Variants in TARBP1 observed in about 807,000 individuals in gnomAD.
The protein encoded by TARBP1 is tRNA guanosine 2 -O-methyltransferase TARBP1.
A neutral mutation model predicts 178.6 loss-of-function variants in TARBP1; 144 were observed. That is an observed-to-expected ratio of 0.81 (90% CI 0.70 to 0.93). TARBP1 has a LOEUF of 0.93. Ranked by LOEUF, TARBP1 falls within the 40% of genes least tolerant of loss-of-function variation. The pLI, the probability that TARBP1 is intolerant of heterozygous loss-of-function variation, is 0.00. For synonymous variants in TARBP1, 787 were observed against 781.0 expected (o/e 1.01, Z -0.13); for missense variants, 2,067 against 2,011.7 (o/e 1.03, Z -0.53).
At position 234,391,737 on chromosome 1, in the gene TARBP1, C is replaced by A. The variant is rs749524126; in HGVS notation, c.4706G>T (p.Arg1569Leu). ...GATCAGATTTGCTGGAATTCCCTCA[C>A]GTTCATTTCTGAGGAAGAAAATGGA... ...EKSLLLLGNEREGIPANLIQQ... is the reference protein window; with the variant it reads ...EKSLLLLGNELEGIPANLIQQ... The change falls in exon 30 of 30, where the codon CGT (arginine) becomes CTT (leucine). Residue 1569 changes from arginine (R) to leucine (L), a missense_variant. Coordinates refer to ENST00000040877, the MANE Select transcript of TARBP1 (RefSeq NM_005646.4). 43 of 1,612,644 alleles carry A rather than the reference C, an allele frequency of 2.7e-5. No individual in the cohort carries two copies. The highest frequency in any genetic ancestry group is 3.6e-5 in the Non-Finnish European group (42 of 1,179,630).
In TARBP1 at chr1:234,427,259, G is replaced by A. The variant is rs1293806985; in HGVS notation, c.3323+58C>T. On this transcript the variant is annotated intron_variant, in intron 19 of 29. Transcript: ENST00000040877. The stretch of plus-strand genomic sequence containing the variant: ...AGCAAATACAGAATGTTTGTCATAT[G>A]ATGTTAAATTTTTAGTATCTCATTT... The A allele has an allele frequency of 3.4e-6, 4 of 1,187,218 alleles. No homozygotes were observed. The Admixed American group carries it at 7.9e-5, about 23-fold the overall frequency. The allele number at this position is 1,187,218 out of a possible 1,614,324, so 73.5% of individuals were successfully genotyped here. A position where few individuals can be genotyped will look rare whatever the true frequency, so the allele number is the denominator to read the frequency against.
At chr1:234,448,900 T>A (rs989493403) in intron 10 of TARBP1, among the ~76,000 whole-genome samples, 3 of 152,134 alleles carry the variant, frequency 2.0e-5, no homozygotes, top group Non-Finnish European at 2.9e-5. Context: ...AATGCAATTA[T>A]AGTGAGGGCT....
chr1:234,466,879 A>ATT (rs2103285868), intron 4 of TARBP1, among the ~76,000 whole-genome samples: 1 of 152,258 alleles, frequency 6.6e-6, no homozygotes, highest in Non-Finnish European at 1.5e-5. Flanking sequence ...AAAAACAGCT[A>ATT]TTGAAAGAAA....
intron 12 of TARBP1, among the ~76,000 whole-genome samples, chr1:234,442,471 G>A (rs1347906074): frequency 6.6e-6 from 1 of 152,072 alleles, no homozygotes; most frequent in South Asian, 2.1e-4. Flanking sequence ...TTACCCAGGG[G>A]CTATATTATA....
intron 28 of TARBP1, 54 bp from the exon 29 acceptor site, chr1:234,392,606 G>C: frequency 6.6e-7 from 1 of 1,518,486 alleles, no homozygotes; most frequent in Non-Finnish European, 9.0e-7. Flanking sequence ...GCCCTGCTTG[G>C]AGTAAATTAG....
In TARBP1 at chr1:234,437,258, T is replaced by C. The variant is rs1665121953; in HGVS notation, c.2232+17A>G. 2.4e-6 allele frequency: 3 copies of C among 1,253,920 alleles called. No individual in the cohort carries two copies. Among genetic ancestry groups the C allele is most frequent in the South Asian group, 3.0e-5 (2 of 66,256 alleles). 77.7% of individuals were successfully genotyped at this position (1,253,920 alleles called of 1,614,324 possible). A position where few individuals can be genotyped will look rare whatever the true frequency, so the allele number is the denominator to read the frequency against. Reference sequence around the variant, plus strand: ...ATGAAAGAAATGAAAAAGAAAGTTATTCCACTGAATACTTACACTATTTAG... The same window carrying C: ...ATGAAAGAAATGAAAAAGAAAGTTACTCCACTGAATACTTACACTATTTAG... On this transcript the variant is annotated intron_variant, in intron 13 of 29. Coordinates refer to ENST00000040877, the MANE Select transcript of TARBP1 (RefSeq NM_005646.4).
intron 6 of TARBP1, 46 bp downstream of exon 6, chr1:234,463,791 A>G: frequency 8.6e-7 from 1 of 1,160,444 alleles, no homozygotes; most frequent in Non-Finnish European, 1.2e-6. Flanking sequence ...AAAAAAAGAA[A>G]CTGTAAGCTA....
In TARBP1 at chr1:234,401,246, A is replaced by G. The variant is rs773826715; in HGVS notation, c.4006T>C (p.Trp1336Arg). The G allele has an allele frequency of 6.2e-7, 1 of 1,613,254 alleles. No homozygotes were observed. Among genetic ancestry groups the G allele is most frequent in the Admixed American group, 1.7e-5 (1 of 59,998 alleles). Residue 1336 changes from tryptophan (W) to arginine (R), a missense_variant, in exon 25 of 30, where the codon TGG becomes CGG. Trp to Arg is a moderately radical substitution (Grantham distance 101, BLOSUM62 -3). Transcript: ENST00000040877. ...MHGAGNAKKN[W>R]QRIQEHFFFA... ...AAGAAATGCTCCTGAATGCGTTGCC[A>G]ATTCTTCTTGGCATTCCTAAGGATT...
intron 9 of TARBP1, among the ~76,000 whole-genome samples, chr1:234,454,534 G>T (rs182755749): frequency 1.3e-4 from 19 of 151,864 alleles, no homozygotes; most frequent in Non-Finnish European, 2.4e-4. Context: ...ATGGGTGATG[G>T]GTACATGAGA....
intron 22 of TARBP1, among the ~76,000 whole-genome samples, chr1:234,414,756 G>A (rs12038496): frequency 6.6e-6 from 1 of 152,020 alleles, no homozygotes; most frequent in Non-Finnish European, 1.5e-5. Flanking sequence ...AGGCCGAAGC[G>A]GGCAGATCAC....
At chr1:234,441,375 A>G (rs984891426) in intron 12 of TARBP1, among the ~76,000 whole-genome samples, 2 of 152,220 alleles carry the variant, frequency 1.3e-5, no homozygotes, top group African/African-American at 4.8e-5. Context: ...GAATAGCTAA[A>G]AATATTTTTG....
At chr1:234,434,546 C>G (rs1664808190) in intron 13 of TARBP1, among the ~76,000 whole-genome samples, 1 of 152,202 alleles carries the variant, frequency 6.6e-6, no homozygotes, top group African/African-American at 2.4e-5. Flanking sequence ...GTGGGACATT[C>G]ACTGCGACAG....
chr1:234,456,232 ACT>A (rs1667256581), intron 9 of TARBP1, among the ~76,000 whole-genome samples: 1 of 152,196 alleles, frequency 6.6e-6, no homozygotes, highest in African/African-American at 2.4e-5. Context: ...ACAGGGTCTC[ACT>A]CTGTCGTGCA....
rs771505408 is a variant in TARBP1, at chr1:234,398,405, C to A, written c.4220G>T (p.Gly1407Val). ...SQTQLSKLKP[G>V]DWSQQDIGTN... ...ACCTATGTCTTGCTGAGACCAGTCA[C>A]CTGGTTTTAGTTTACTAAGTTGAGT... The change falls in exon 26 of 30, where the codon GGT becomes GTT. Residue 1407 changes from glycine (G) to valine (V), a missense_variant. Physicochemically the swap from Gly to Val is moderately radical, Grantham distance 109. Transcript: ENST00000040877. The A allele has an allele frequency of 6.2e-7, 1 of 1,608,074 alleles. No individual in the cohort carries two copies. Among genetic ancestry groups the A allele is most frequent in the Non-Finnish European group, 8.5e-7 (1 of 1,176,454 alleles).
chr1:234,415,890 G>C (rs1239619860), intron 22 of TARBP1, among the ~76,000 whole-genome samples: 1 of 152,172 alleles, frequency 6.6e-6, no homozygotes, highest in African/African-American at 2.4e-5. Flanking sequence ...TGTTCTGTAA[G>C]CTACCTACTA....
chr1:234,457,572 T>A, intron 9 of TARBP1, 95 bp downstream of exon 9: 1 of 766,238 alleles, frequency 1.3e-6, no homozygotes, highest in Non-Finnish European at 2.0e-6. Flanking sequence ...AACAAAGCAA[T>A]CATTATATTT....
rs1309841966 is a variant in TARBP1 at position 234,420,780 on chromosome 1, GT to G, written c.3476del (p.Tyr1159SerfsTer3). 1 of 1,611,094 alleles carries G rather than the reference GT, an allele frequency of 6.2e-7. No individual in the cohort carries two copies. The highest frequency in any genetic ancestry group is 8.5e-7 in the Non-Finnish European group (1 of 1,178,604). ...DELVSKSKKR[Y>X]YVNSLQHRVK... The stretch of plus-strand genomic sequence containing the variant: ...CTCTGTGCTGTAGAGAATTCACATA[GT>G]AGCGTTTTTTGGACTTGGACACTAA... On this transcript the variant is annotated frameshift_variant, in exon 21 of 30. Coordinates refer to ENST00000040877, the MANE Select transcript of TARBP1 (RefSeq NM_005646.4). LOFTEE classifies it high-confidence loss of function.
intron 22 of TARBP1, among the ~76,000 whole-genome samples, chr1:234,416,489 G>A (rs2103082548): frequency 6.6e-6 from 1 of 152,222 alleles, no homozygotes; most frequent in South Asian, 2.1e-4. Flanking sequence ...TAGAGACGGG[G>A]TTTCACCATG....
intron 22 of TARBP1, among the ~76,000 whole-genome samples, chr1:234,413,638 AGGAGCATAGTCTTCATCCT>A (rs1183936132): frequency 6.6e-6 from 1 of 152,164 alleles, no homozygotes; most frequent in African/African-American, 2.4e-5. Context: ...GGATACTCCG[AGGAGCATAGTCTTCATCCT>A]GAGACGACGT....
Sources: allele counts gnomAD v4.1 joint callset (sites outside exome capture counted in the v4.1 genomes callset), GRCh38; gene constraint gnomAD v4.1.1; transcripts MANE v1.5; gene names NCBI Gene and HGNC (gene_info 2026-07-23, HGNC 2026-07-21).